CAPN12: variants seen among roughly 807,000 people sequenced by gnomAD.
CAPN12 encodes the protein calpain-12.
In CAPN12, 107 loss-of-function variants were observed where a neutral mutation model predicts 95.0. That is an observed-to-expected ratio of 1.13 (90% CI 0.96 to 1.32). CAPN12 has a LOEUF of 1.32. CAPN12 is among the 40% of genes most tolerant of loss of function. The pLI is 0.00. For synonymous variants in CAPN12, 505 were observed against 415.5 expected, an observed-to-expected ratio of 1.22 and a Z score of -2.62; for missense variants, 1,136 against 997.8, an observed-to-expected ratio of 1.14 and a Z score of -1.87.
At chr19:38,734,693 TG>T in intron 15 of CAPN12, 119 bp downstream of exon 15, 1 of 907,760 alleles carries the variant, frequency 1.1e-6, no homozygotes, top group Non-Finnish European at 1.7e-6. Flanking sequence ...GGCTGAGCCC[TG>T]GCTTCCTGAG....
rs768825366 is a variant in CAPN12, at chr19:38,743,042, CCT to C, written c.296_297del (p.Gln99ArgfsTer5). The C allele has an allele frequency of 4.1e-5, 66 of 1,613,756 alleles. No homozygotes were observed. The highest frequency in any genetic ancestry group is 4.9e-5 in the Non-Finnish European group (58 of 1,179,932). ...CEDMSRTDVCQGSLGNCWFLA... is the reference protein window; with the variant it reads ...CEDMSRTDVCXGSLGNCWFLA... ...GGGTTCAGGGTCTCACCCAGGCTCC[CCT>C]GACACACGTCTGTGCGGCTCATGTC... On this transcript the variant is annotated frameshift_variant, in exon 2 of 21. Coordinates refer to ENST00000328867, the MANE Select transcript of CAPN12 (RefSeq NM_144691.4). LOFTEE classifies it high-confidence loss of function.
intron 14 of CAPN12, 52 bp from the exon 15 acceptor site, chr19:38,734,922 G>T: frequency 6.3e-7 from 1 of 1,577,816 alleles, no homozygotes; most frequent in Non-Finnish European, 8.7e-7. Flanking sequence ...AGCTGCTCTG[G>T]GCCAAGCCCT....
At chr19:38,742,044 G>A in intron 3 of CAPN12, 134 bp from the exon 4 acceptor site, 5 of 1,313,078 alleles carry the variant, frequency 3.8e-6, no homozygotes, top group Non-Finnish European at 5.2e-6. Context: ...CCATATGGCT[G>A]GCCGGGTGCG....
chr19:38,742,759 G>C (rs149356304), intron 2 of CAPN12, among the ~76,000 whole-genome samples: 5 of 147,384 alleles, frequency 3.4e-5, no homozygotes, highest in African/African-American at 1.2e-4. Context: ...GCTGAGGCAG[G>C]AAGATTGCTT....
intron 3 of CAPN12, 98 bp downstream of exon 3, chr19:38,742,312 G>C (rs1416732218): frequency 8.8e-6 from 8 of 913,208 alleles, no homozygotes; most frequent in Non-Finnish European, 1.4e-5. Context: ...CTGGATGACA[G>C]AGTGAGATTC....
Position 38,741,884 on chromosome 19 carries a change from G to T in CAPN12, c.453C>A (p.Asp151Glu), listed in dbSNP as rs776852820. 2 of 1,614,004 alleles carry T rather than the reference G, an allele frequency of 1.2e-6. No homozygotes were observed. Among genetic ancestry groups the T allele is most frequent in the South Asian group, 1.1e-5 (1 of 91,068 alleles). ...FQLWQFGRWM[D>E]VVVDDRLPVR... ...CGGGCAGCCTGTCATCCACCACGAC[G>T]TCCATCCAGCGGCCAAACTGCCAGA... The change falls in exon 4 of 21, where the codon GAC becomes GAA. Residue 151 changes from aspartate to glutamate, a missense_variant. Transcript: ENST00000328867.
At position 38,736,915 on chromosome 19, in the gene CAPN12, AGCCCCCTACTCCCCTCCCAGCGCC is replaced by A. The variant is rs1297150559; in HGVS notation, c.1362+217_1362+240del. 4 of 210,660 alleles carry A rather than the reference AGCCCCCTACTCCCCTCCCAGCGCC, an allele frequency of 1.9e-5. No homozygotes were observed. The Admixed American group carries it at 3.0e-4, about 16-fold the overall frequency. 13.0% of individuals were successfully genotyped at this position (210,660 alleles called of 1,614,324 possible). On this transcript the variant is annotated intron_variant, in intron 10 of 20. Transcript: ENST00000328867. ...TGAGACCTGGCCCCCCAGCCCTACTAGCCCCCTACTCCCCTCCCAGCGCCGCCCCCTCTTGGCCCTGCTCCTCCA... is the reference window on the plus strand; with the variant it reads ...TGAGACCTGGCCCCCCAGCCCTACTAGCCCCCTCTTGGCCCTGCTCCTCCA...
intron 15 of CAPN12, 139 bp downstream of exon 15, chr19:38,734,674 A>AT (rs1266743715): frequency 2.6e-6 from 2 of 754,962 alleles, no homozygotes; most frequent in African/African-American, 3.5e-5. Context: ...CTGCAGGGAG[A>AT]TGCTGCCAGG....
chr19:38,734,518 G>A (rs1332978335), intron 15 of CAPN12, 129 bp from the exon 16 acceptor site: 3 of 818,388 alleles, frequency 3.7e-6, no homozygotes, highest in Non-Finnish European at 5.6e-6. Context: ...GAGGCACAGG[G>A]AGCCAGTGAC....
intron 17 of CAPN12, 35 bp downstream of exon 17, chr19:38,734,107 C>G (rs1439650103): frequency 1.2e-6 from 2 of 1,609,732 alleles, no homozygotes; most frequent in Non-Finnish European, 1.7e-6. Flanking sequence ...AAAGGTTTCT[C>G]TCTTTCTGGG....
intron 15 of CAPN12, 25 bp from the exon 16 acceptor site, chr19:38,734,414 A>ACAGCACTTCCTGCATTCTGGC (rs759225636): frequency 1.3e-6 from 2 of 1,556,220 alleles, no homozygotes; most frequent in Non-Finnish European, 1.7e-6. Context: ...AAGTCAAACC[A>ACAGCACTTCCTGCATTCTGGC]CAGCACTTCC....
At chr19:38,736,433 C>T in intron 11 of CAPN12, 115 bp from the exon 12 acceptor site, 13 of 1,521,068 alleles carry the variant, frequency 8.5e-6, no homozygotes, top group Non-Finnish European at 1.2e-5. Flanking sequence ...CCCCTGCCCC[C>T]GGACCCGGCT....
intron 20 of CAPN12, 31 bp from the exon 21 acceptor site, chr19:38,730,909 G>A (rs1443784931): frequency 1.6e-5 from 25 of 1,550,740 alleles, no homozygotes; most frequent in Admixed American, 7.8e-5. Context: ...AGTGGCTTGA[G>A]GCAGGGAGCT....
At chr19:38,740,943 A>G (rs1038550829) in intron 4 of CAPN12, among the ~76,000 whole-genome samples, 1 of 152,020 alleles carries the variant, frequency 6.6e-6, no homozygotes, top group African/African-American at 2.4e-5. Flanking sequence ...GAATTCTGAG[A>G]GTCCTGGTGC....
chr19:38,730,679 G>T lies in CAPN12; in HGVS notation c.*173C>A. On this transcript the variant is annotated 3_prime_UTR_variant, in exon 21 of 21. Transcript: ENST00000328867. ...AAGGGCTGTCGCTGTTCTTGTTTCTGAGTGAGGAGTACGCAGGCCAGAGTG... is the reference window on the plus strand; with the variant it reads ...AAGGGCTGTCGCTGTTCTTGTTTCTTAGTGAGGAGTACGCAGGCCAGAGTG... The T allele has an allele frequency of 1.4e-6, 1 of 706,866 alleles. No homozygotes were observed. Among genetic ancestry groups the T allele is most frequent in the Non-Finnish European group, 2.4e-6 (1 of 419,618 alleles). The allele number at this position is 706,866 out of a possible 1,614,324, so 43.8% of individuals were successfully genotyped here. A position where few individuals can be genotyped will look rare whatever the true frequency, so the allele number is the denominator to read the frequency against.
At chr19:38,740,268 A>C in intron 4 of CAPN12, 49 bp from the exon 5 acceptor site, 13 of 1,506,664 alleles carry the variant, frequency 8.6e-6, no homozygotes, top group Non-Finnish European at 1.2e-5. Context: ...CAAGCGTCTC[A>C]GGCACCCCTG....
rs767133462 is a variant in CAPN12 at position 38,741,855 on chromosome 19, C to T, written c.482G>A (p.Arg161His). Reference sequence around the variant, plus strand: ...GCGCACGAACATCAGCTTCCCCTCACGCACGGGCAGCCTGTCATCCACCAC... The same window carrying T: ...GCGCACGAACATCAGCTTCCCCTCATGCACGGGCAGCCTGTCATCCACCAC... Reference protein sequence around the residue: ...DVVVDDRLPVREGKLMFVRSE... With the variant: ...DVVVDDRLPVHEGKLMFVRSE... Residue 161 changes from arginine to histidine, a missense_variant, in exon 4 of 21, where the codon CGT becomes CAT. By Grantham distance (29) the Arg-to-His change is conservative. Transcript: ENST00000328867. 6.5e-5 allele frequency: 105 copies of T among 1,614,004 alleles called. No individual in the cohort carries two copies. Among genetic ancestry groups the T allele is most frequent in the Non-Finnish European group, 8.3e-5 (98 of 1,180,034 alleles).
chr19:38,735,449 T>C lies in CAPN12; in HGVS notation c.1627-20A>G. On this transcript the variant is annotated intron_variant, in intron 13 of 20. Transcript: ENST00000328867. Reference sequence around the variant, plus strand: ...GGGGCCCTGCCGCATGGCGGAAGTTTAGCGCTGGCCAAGATCCCCGCCCCA... The same window carrying C: ...GGGGCCCTGCCGCATGGCGGAAGTTCAGCGCTGGCCAAGATCCCCGCCCCA... The C allele has an allele frequency of 6.2e-7, 1 of 1,610,898 alleles. No individual in the cohort carries two copies. Among genetic ancestry groups the C allele is most frequent in the Non-Finnish European group, 8.5e-7 (1 of 1,179,180 alleles).
In CAPN12 at chr19:38,734,358, G is replaced by C. The variant is rs778396415; in HGVS notation, c.1776C>G (p.Ile592Met). The change falls in exon 16 of 21, where the codon ATC becomes ATG. Residue 592 changes from isoleucine (I) to methionine (M), a missense_variant. Coordinates refer to ENST00000328867, the MANE Select transcript of CAPN12 (RefSeq NM_144691.4). ...GCAGCTGCTCACAGGTCCTGAGCCCGATCTCTCTGGGGGTGGAGGTATGGG... is the reference window on the plus strand; with the variant it reads ...GCAGCTGCTCACAGGTCCTGAGCCCCATCTCTCTGGGGGTGGAGGTATGGG... ...ARAHTSTPRE[I>M]GLRTCEQLLQ... The C allele has an allele frequency of 3.5e-5, 56 of 1,607,328 alleles. No homozygotes were observed. The highest frequency in any genetic ancestry group is 4.2e-5 in the Non-Finnish European group (50 of 1,176,510).
Sources: allele counts gnomAD v4.1 joint callset (sites outside exome capture counted in the v4.1 genomes callset), GRCh38; gene constraint gnomAD v4.1.1; transcripts MANE v1.5; gene names NCBI Gene and HGNC (gene_info 2026-07-23, HGNC 2026-07-21).